Variants in C4orf36 observed in about 807,000 individuals in gnomAD.
C4orf36 encodes the protein chromosome 4 open reading frame 36, also known as uncharacterized protein C4orf36.
C4orf36 carries 11 observed loss-of-function variants against 12.2 expected under a neutral mutation model. The ratio of observed to expected loss-of-function variants is 0.90; its 90% CI spans 0.57 to 1.49. The LOEUF (loss-of-function observed/expected upper bound fraction) is 1.49. Among genes scored for constraint, C4orf36 ranks in the 40% most tolerant of loss-of-function variants. C4orf36 has a pLI of 0.00. For synonymous variants in C4orf36, 54 were observed against 51.3 expected (o/e 1.05, Z -0.22); for missense variants, 137 against 133.9 (o/e 1.02, Z -0.11).
intron 4 of C4orf36, 48 bp from the exon 5 acceptor site, chr4:86,876,491 T>C (rs905363540): frequency 3.7e-6 from 6 of 1,613,458 alleles, no homozygotes; most frequent in African/African-American, 1.3e-5. Context: ...ATCATCCAAA[T>C]GAGGTAGAAA....
In C4orf36 at chr4:86,878,885, C is replaced by T. The variant is rs567827104; in HGVS notation, c.*3-2442G>A. On this transcript the variant is annotated intron_variant, in intron 4 of 4. Transcript: ENST00000295898. ...AGGAAAAGCAAAAGATTATGAGCTCCAGTGAAGAAGCAAGTAAACCTTTTT... is the reference window on the plus strand; with the variant it reads ...AGGAAAAGCAAAAGATTATGAGCTCTAGTGAAGAAGCAAGTAAACCTTTTT... 3.9e-5 allele frequency among the ~76,000 whole-genome samples: 6 copies of T among 152,242 alleles called. No individual in the cohort carries two copies. The South Asian group carries it at 1.2e-3, about 32-fold the overall frequency.
Position 86,891,574 on chromosome 4 carries a change from GA to G in C4orf36, c.-55del. 6.2e-7 allele frequency: 1 copy of G among 1,612,982 alleles called. No homozygotes were observed. Among genetic ancestry groups the G allele is most frequent in the Non-Finnish European group, 8.5e-7 (1 of 1,179,564 alleles). ...CATAGGTGCCTGATGGAATGTCACA[GA>G]TAACTCTGTTCACTTTACCTGAAAT... On this transcript the variant is annotated 5_prime_UTR_variant, in exon 2 of 5. Transcript: ENST00000295898.
chr4:86,921,133 C>G, the C4orf36 span, among the ~76,000 whole-genome samples: 2 of 150,420 alleles, frequency 1.3e-5, no homozygotes, highest in Non-Finnish European at 2.9e-5. Flanking sequence ...CCATTGCACT[C>G]TAGCCTAGGC....
At chr4:86,901,495 C>A in the C4orf36 span, among the ~76,000 whole-genome samples, 1 of 151,832 alleles carries the variant, frequency 6.6e-6, no homozygotes, top group Non-Finnish European at 1.5e-5. Context: ...GCAAGCTCCA[C>A]CTCTCAGGTT....
the C4orf36 span, among the ~76,000 whole-genome samples, chr4:86,917,405 AAG>A: frequency 0.14 from 20,897 of 146,044 alleles, 1,824 homozygotes; most frequent in East Asian, 0.27. Context: ...AGGAGAGAGA[AAG>A]AGAGGAAGAG....
chr4:86,891,495 TTC>T lies in C4orf36; in HGVS notation c.24_25del (p.Asn9HisfsTer12). On this transcript the variant is annotated frameshift_variant, in exon 2 of 5. Coordinates refer to ENST00000295898, the MANE Select transcript of C4orf36 (RefSeq NM_144645.4). LOFTEE classifies it high-confidence loss of function. Reference sequence around the variant, plus strand: ...GCCCCGCAAAATGGTTTTCACTGTGTTCTTTCTTGGCACTCCATACGCCATGG... The same window carrying T: ...GCCCCGCAAAATGGTTTTCACTGTGTTTTCTTGGCACTCCATACGCCATGG... 1 of 1,614,086 alleles carries T rather than the reference TTC, an allele frequency of 6.2e-7. No individual in the cohort carries two copies.
the C4orf36 span, among the ~76,000 whole-genome samples, chr4:86,930,723 T>A: frequency 6.6e-6 from 1 of 152,206 alleles, no homozygotes; most frequent in African/African-American, 2.4e-5. Flanking sequence ...CCCACTGGAT[T>A]TGGGGAGTAG....
At chr4:86,890,684 G>A (rs1203348626) in intron 2 of C4orf36, among the ~76,000 whole-genome samples, 1 of 152,074 alleles carries the variant, frequency 6.6e-6, no homozygotes, top group Non-Finnish European at 1.5e-5. Context: ...TTGTTTAAAA[G>A]ACAAATTCAG....
At chr4:86,895,036 G>C (rs1463854843), upstream of C4orf36, among the ~76,000 whole-genome samples, 1 of 152,188 alleles carries the variant, frequency 6.6e-6, no homozygotes, top group Non-Finnish European at 1.5e-5. Context: ...TCATAGTTGG[G>C]CACGGTGGCT....
At chr4:86,891,349 C>A in intron 2 of C4orf36, 107 bp downstream of exon 2, 1 of 984,786 alleles carries the variant, frequency 1.0e-6, no homozygotes, top group South Asian at 1.5e-5. Flanking sequence ...TTCACATAGC[C>A]CAGTATCTCA....
the C4orf36 span, among the ~76,000 whole-genome samples, chr4:86,898,764 G>A: frequency 2.6e-5 from 4 of 152,030 alleles, no homozygotes; most frequent in Admixed American, 6.5e-5. Context: ...CTCTATGATC[G>A]CACCTGTGAA....
At chr4:86,882,570 C>T (rs1011721143) in intron 4 of C4orf36, among the ~76,000 whole-genome samples, 2 of 152,196 alleles carry the variant, frequency 1.3e-5, no homozygotes, top group African/African-American at 4.8e-5. Context: ...CACACCACTA[C>T]AACTCTGATT....
intron 4 of C4orf36, among the ~76,000 whole-genome samples, chr4:86,882,700 T>A (rs965364418): frequency 5.9e-5 from 9 of 152,318 alleles, no homozygotes; most frequent in African/African-American, 2.2e-4. Flanking sequence ...AGTTCACTTT[T>A]GATATAGAGC....
chr4:86,917,061 T>C, the C4orf36 span, among the ~76,000 whole-genome samples: 51 of 152,182 alleles, frequency 3.4e-4, no homozygotes, highest in Non-Finnish European at 5.6e-4. Flanking sequence ...GAAGATTTCT[T>C]AAGGCCAGGA....
At chr4:86,931,567 T>A in the C4orf36 span, among the ~76,000 whole-genome samples, 1 of 152,062 alleles carries the variant, frequency 6.6e-6, no homozygotes, top group South Asian at 2.1e-4. Flanking sequence ...CCTAGCTAAT[T>A]TTTTTGCTTT....
chr4:86,908,220 T>TGA, the C4orf36 span, among the ~76,000 whole-genome samples: 1 of 132,122 alleles, frequency 7.6e-6, no homozygotes, highest in African/African-American at 2.9e-5. Context: ...CACACACACG[T>TGA]TGCTGGTGTT....
chr4:86,935,769 G>A, the C4orf36 span: 1 of 152,066 alleles, frequency 6.6e-6, no homozygotes, highest in Admixed American at 6.6e-5. Flanking sequence ...GTGGTCCGTA[G>A]CCTCCGGGGA....
At chr4:86,913,319 C>T in the C4orf36 span, 46 of 778,336 alleles carry the variant, frequency 5.9e-5, 1 homozygote, top group South Asian at 3.6e-4. Context: ...ATGGCTCCAC[C>T]GATGTCAGTA....
intron 2 of C4orf36, chr4:86,890,095 G>C (rs753310845): frequency 1.8e-5 from 8 of 454,264 alleles, no homozygotes; most frequent in Non-Finnish European, 3.5e-5. Context: ...AGGAGGCTGA[G>C]ATGGGAGGAT....
Sources: allele counts gnomAD v4.1 joint callset (sites outside exome capture counted in the v4.1 genomes callset), GRCh38; gene constraint gnomAD v4.1.1; transcripts MANE v1.5; gene names NCBI Gene and HGNC (gene_info 2026-07-23, HGNC 2026-07-21).